The following EPHA5 variants were observed in gnomAD, a reference collection of about 807,000 sequenced individuals.
The protein encoded by EPHA5 is EPH receptor A5.
A neutral mutation model predicts 105.0 loss-of-function variants in EPHA5; 60 were observed. That is an observed-to-expected ratio of 0.57 (90% CI 0.46 to 0.71). The LOEUF (loss-of-function observed/expected upper bound fraction) is 0.71. Ranked by LOEUF, EPHA5 falls within the 30% of genes least tolerant of loss-of-function variation. The probability of loss-of-function intolerance (pLI) is 0.00; values close to 1 mark genes in which losing one functional copy is unlikely to be tolerated. For synonymous variants in EPHA5, 513 were observed against 449.1 expected, an observed-to-expected ratio of 1.14 and a Z score of -1.80; for missense variants, 1,218 against 1,274.7, an observed-to-expected ratio of 0.96 and a Z score of 0.68.
chr4:65,439,243 C>T (rs1390239213), intron 5 of EPHA5, among the ~76,000 whole-genome samples: 2 of 152,022 alleles, frequency 1.3e-5, no homozygotes, highest in Admixed American at 6.6e-5. Flanking sequence ...TGAATACATT[C>T]GTATATATAA....
intron 5 of EPHA5, among the ~76,000 whole-genome samples, chr4:65,424,258 T>C (rs1724211910): frequency 6.6e-6 from 1 of 152,062 alleles, no homozygotes. Flanking sequence ...TCATCAGTTG[T>C]ATAAAACAAT....
intron 5 of EPHA5, among the ~76,000 whole-genome samples, chr4:65,478,020 T>G (rs913481154): frequency 2.6e-5 from 4 of 152,182 alleles, no homozygotes; most frequent in Non-Finnish European, 5.9e-5. Context: ...ATAATCGTTA[T>G]TGAATAAATC....
At chr4:65,455,763 C>A (rs976018793) in intron 5 of EPHA5, among the ~76,000 whole-genome samples, 3 of 152,100 alleles carry the variant, frequency 2.0e-5, no homozygotes, top group African/African-American at 7.2e-5. Flanking sequence ...TAACTCTTAA[C>A]AATCACTGCT....
chr4:65,574,743 C>CAT (rs375040204), intron 3 of EPHA5, among the ~76,000 whole-genome samples: 12,550 of 72,526 alleles, frequency 0.17, 1,746 homozygotes, highest in Non-Finnish European at 0.22. Flanking sequence ...TATATATATA[C>CAT]ATATATATAT....
At chr4:65,587,900 A>G (rs1309147828) in intron 3 of EPHA5, among the ~76,000 whole-genome samples, 1 of 152,106 alleles carries the variant, frequency 6.6e-6, no homozygotes, top group Non-Finnish European at 1.5e-5. Context: ...CCTCCCTCTC[A>G]TGTGCACTTT....
At position 65,669,869 on chromosome 4, in the gene EPHA5, C is replaced by G. The variant is rs1750316590; in HGVS notation, c.-127G>C. The G allele has an allele frequency of 2.5e-6, 3 of 1,217,698 alleles. No homozygotes were observed. The highest frequency in any genetic ancestry group is 3.1e-6 in the Non-Finnish European group (3 of 975,708). 75.4% of individuals were successfully genotyped at this position (1,217,698 alleles called of 1,614,324 possible). ...CCTTGGGGTCCTACGCCTTCTGGCA[C>G]GCGGCTCCTCCAAATGTAGGAACCA... On this transcript the variant is annotated 5_prime_UTR_variant, in exon 1 of 17. Coordinates refer to ENST00000613740, the MANE Select transcript of EPHA5 (RefSeq NM_001281766.3).
intron 2 of EPHA5, among the ~76,000 whole-genome samples, chr4:65,617,961 A>T (rs2149470852): frequency 6.6e-6 from 1 of 152,330 alleles, no homozygotes; most frequent in East Asian, 1.9e-4. Context: ...TCATATAAAT[A>T]AAAGTAGGGT....
intron 3 of EPHA5, chr4:65,573,575 G>A: frequency 6.3e-7 from 1 of 1,598,544 alleles, no homozygotes; most frequent in East Asian, 2.2e-5. Context: ...AGCCCAAGAA[G>A]GGGAAGCCCC....
intron 8 of EPHA5, among the ~76,000 whole-genome samples, chr4:65,399,669 C>T (rs1238359253): frequency 6.6e-6 from 1 of 152,160 alleles, no homozygotes; most frequent in African/African-American, 2.4e-5. Context: ...CATGTGCAAA[C>T]AAGGGTGGAA....
chr4:65,547,473 C>G (rs775995436), intron 3 of EPHA5, among the ~76,000 whole-genome samples: 78 of 151,922 alleles, frequency 5.1e-4, no homozygotes, highest in Non-Finnish European at 1.1e-3. Flanking sequence ...TAAAATAGTT[C>G]ATAATCCATG....
At chr4:65,496,396 C>G (rs1461324667) in intron 3 of EPHA5, among the ~76,000 whole-genome samples, 3 of 133,288 alleles carry the variant, frequency 2.3e-5, no homozygotes, top group African/African-American at 8.5e-5. Context: ...CACCCCACCA[C>G]AGGCCCCAGA....
In EPHA5 at chr4:65,601,838, C is replaced by T. The variant is rs147719164; in HGVS notation, c.713G>A (p.Arg238Gln). 7.3e-5 allele frequency: 118 copies of T among 1,614,064 alleles called. No homozygotes were observed. The highest frequency in any genetic ancestry group is 9.2e-5 in the Non-Finnish European group (109 of 1,179,994). ...GGTGTCAGGGAAGACAGCCAAGTGT[C>T]GTACCACAGAAGGGCATTTTTTATA... ...VYYKKCPSVV[R>Q]HLAVFPDTIT... Residue 238 changes from arginine (R) to glutamine (Q), a missense_variant, in exon 3 of 17, where the codon CGA (arginine) becomes CAA (glutamine). This residue lies in a region of EPHA5 where 971 missense variants were observed against 1,013.5 expected (regional missense o/e 0.96). Coordinates refer to ENST00000613740, the MANE Select transcript of EPHA5 (RefSeq NM_001281766.3).
chr4:65,348,811 A>ATTTTT lies in EPHA5; in HGVS notation c.2446-609_2446-608insAAAAA, dbSNP rs1237822654. On this transcript the variant is annotated intron_variant, in intron 13 of 16. Coordinates refer to ENST00000613740, the MANE Select transcript of EPHA5 (RefSeq NM_001281766.3). ...TGTGTGTGTATATATATATATATATATATATTTTTTTTTTTTTTTTTTGAG... is the reference window on the plus strand; with the variant it reads ...TGTGTGTGTATATATATATATATATATTTTTTATATTTTTTTTTTTTTTTTTTGAG... 3.5e-3 allele frequency among the ~76,000 whole-genome samples: 198 copies of ATTTTT among 56,374 alleles called. 28 individuals are homozygous for ATTTTT. The highest frequency in any genetic ancestry group is 0.01 in the East Asian group (20 of 1,920). The allele number at this position is 56,374 out of a possible 152,430, so 37.0% of individuals were successfully genotyped here.
intron 3 of EPHA5, among the ~76,000 whole-genome samples, chr4:65,511,715 A>G (rs997617088): frequency 1.3e-5 from 2 of 152,198 alleles, no homozygotes; most frequent in African/African-American, 2.4e-5. Flanking sequence ...AATTTAAACG[A>G]CATTTTTTAG....
chr4:65,539,930 C>T (rs1718728970), intron 3 of EPHA5, among the ~76,000 whole-genome samples: 1 of 151,324 alleles, frequency 6.6e-6, no homozygotes, highest in Non-Finnish European at 1.5e-5. Flanking sequence ...TATGTTATCA[C>T]TATATTATTT....
At chr4:65,325,350 C>T (rs976535618) in intron 16 of EPHA5, among the ~76,000 whole-genome samples, 1 of 151,172 alleles carries the variant, frequency 6.6e-6, no homozygotes, top group African/African-American at 2.4e-5. Flanking sequence ...GATGCTAAGG[C>T]TCTGTGTATA....
chr4:65,664,976 G>A (rs1033912528), intron 1 of EPHA5, among the ~76,000 whole-genome samples: 1 of 151,752 alleles, frequency 6.6e-6, no homozygotes, highest in African/African-American at 2.4e-5. Context: ...AGGTACCCCT[G>A]CTAACTTAAA....
chr4:65,517,918 C>G lies in EPHA5; in HGVS notation c.911-22375G>C, dbSNP rs999052178. Among the ~76,000 whole-genome samples, 9 of 151,980 alleles carry G rather than the reference C, an allele frequency of 5.9e-5. No homozygotes were observed. The South Asian group carries it at 1.9e-3, about 32-fold the overall frequency. On this transcript the variant is annotated intron_variant, in intron 3 of 16. Transcript: ENST00000613740. ...AAAGATTCTACTTTTAGTATTACAT[C>G]TACTAAATTTACATTAAAATGTTTA...
intron 2 of EPHA5, 48 bp downstream of exon 2, chr4:65,643,315 T>C: frequency 7.1e-7 from 1 of 1,399,370 alleles, no homozygotes; most frequent in Non-Finnish European, 1.0e-6. Context: ...AGTATCAAGA[T>C]GCTTACGCAC....
Sources: allele counts gnomAD v4.1 joint callset (sites outside exome capture counted in the v4.1 genomes callset), GRCh38; gene constraint gnomAD v4.1.1; regional missense constraint gnomAD v4.1.1; transcripts MANE v1.5; gene names NCBI Gene and HGNC (gene_info 2026-07-23, HGNC 2026-07-21).